VPS50: variants seen among roughly 807,000 people sequenced by gnomAD.
The protein encoded by VPS50 is syndetin.
In VPS50, 70 loss-of-function variants were observed where a neutral mutation model predicts 139.7. The observed-to-expected ratio is 0.50, with a 90% CI of 0.41 to 0.61. The LOEUF (loss-of-function observed/expected upper bound fraction) is 0.61, where lower values mean the gene tolerates loss of function less well. Among genes scored for constraint, VPS50 ranks in the 20% least tolerant of loss-of-function variants. The pLI is 0.00. For synonymous variants in VPS50, 365 were observed against 376.7 expected, an observed-to-expected ratio of 0.97 and a Z score of 0.36; for missense variants, 921 against 1,133.7, an observed-to-expected ratio of 0.81 and a Z score of 2.69.
chr7:93,300,355 A>C (rs900188113), intron 16 of VPS50, among the ~76,000 whole-genome samples: 1 of 152,170 alleles, frequency 6.6e-6, no homozygotes, highest in African/African-American at 2.4e-5. Flanking sequence ...TTATGAGGCC[A>C]GCATAGCATT....
intron 2 of VPS50, among the ~76,000 whole-genome samples, chr7:93,242,234 C>T (rs931811462): frequency 2.0e-5 from 3 of 151,618 alleles, no homozygotes; most frequent in Non-Finnish European, 4.4e-5. Flanking sequence ...GACAAAAGTT[C>T]TCTCCAAAAG....
intron 21 of VPS50, among the ~76,000 whole-genome samples, chr7:93,327,516 T>C (rs961994346): frequency 1.3e-5 from 2 of 152,166 alleles, no homozygotes; most frequent in African/African-American, 4.8e-5. Flanking sequence ...TAGGTACTTA[T>C]TGTAAAATAT....
intron 9 of VPS50, among the ~76,000 whole-genome samples, chr7:93,269,876 A>G (rs986933549): frequency 6.6e-6 from 1 of 152,060 alleles, no homozygotes; most frequent in Non-Finnish European, 1.5e-5. Flanking sequence ...ATTAAGTACT[A>G]TGGCCCTCCC....
chr7:93,237,127 T>C (rs895230233), intron 1 of VPS50, among the ~76,000 whole-genome samples: 44 of 151,436 alleles, frequency 2.9e-4, no homozygotes, highest in Non-Finnish European at 5.9e-4. Context: ...ATTTTTTTTT[T>C]TTGTATTTTT....
intron 18 of VPS50, among the ~76,000 whole-genome samples, chr7:93,308,134 G>C (rs1306727076): frequency 6.6e-6 from 1 of 151,726 alleles, no homozygotes; most frequent in East Asian, 1.9e-4. Context: ...TGATGATGAT[G>C]ATGATGATGA....
At chr7:93,342,219 C>A (rs572109654) in intron 23 of VPS50, among the ~76,000 whole-genome samples, 1 of 152,282 alleles carries the variant, frequency 6.6e-6, no homozygotes, top group South Asian at 2.1e-4. Flanking sequence ...TGGTGACAGA[C>A]GGCACCTGCA....
At chr7:93,233,022 G>A (rs1321739483) in intron 1 of VPS50, among the ~76,000 whole-genome samples, 1 of 152,172 alleles carries the variant, frequency 6.6e-6, no homozygotes, top group Non-Finnish European at 1.5e-5. Flanking sequence ...TCACAGTTCT[G>A]TTATGAGGGT....
chr7:93,341,286 G>A (rs1798202376), intron 22 of VPS50, 141 bp from the exon 23 acceptor site: 2 of 575,040 alleles, frequency 3.5e-6, no homozygotes, highest in Admixed American at 6.8e-5. Flanking sequence ...AAACATGAAA[G>A]CAGGATAAAA....
At chr7:93,236,689 T>A (rs1231539208) in intron 1 of VPS50, among the ~76,000 whole-genome samples, 1 of 152,116 alleles carries the variant, frequency 6.6e-6, no homozygotes, top group African/African-American at 2.4e-5. Flanking sequence ...GAAGATAAAA[T>A]AAGAATGACT....
chr7:93,265,690 G>C (rs1795820609), intron 9 of VPS50, among the ~76,000 whole-genome samples: 1 of 151,922 alleles, frequency 6.6e-6, no homozygotes, highest in Admixed American at 6.6e-5. Context: ...TCAGCCTCCT[G>C]AGTAGCTGGG....
chr7:93,338,744 CA>C (rs1312459322), intron 22 of VPS50, among the ~76,000 whole-genome samples: 2 of 152,024 alleles, frequency 1.3e-5, no homozygotes, highest in African/African-American at 2.4e-5. Flanking sequence ...GCTTTAAAAC[CA>C]GGGAGTGTTA....
chr7:93,348,567 AG>A, intron 23 of VPS50, 143 bp from the exon 24 acceptor site: 2 of 591,756 alleles, frequency 3.4e-6, no homozygotes, highest in Non-Finnish European at 6.0e-6. Flanking sequence ...GTCAAGTGGT[AG>A]TACAGGTTCG....
At chr7:93,356,978 C>A (rs1367745092) in intron 27 of VPS50, among the ~76,000 whole-genome samples, 1 of 152,116 alleles carries the variant, frequency 6.6e-6, no homozygotes, top group Non-Finnish European at 1.5e-5. Flanking sequence ...CCCACTCTTA[C>A]TCAGTTTCGG....
In VPS50 at chr7:93,321,529, CTG is replaced by C. The variant is rs1307209357; in HGVS notation, c.1856-2078_1856-2077del. ...CTTTTAAGGTGCAACAGCCGGGACTCTGTGTAATTCCTTGTTCCTTAATACAA... is the reference window on the plus strand; with the variant it reads ...CTTTTAAGGTGCAACAGCCGGGACTCTGTAATTCCTTGTTCCTTAATACAA... On this transcript the variant is annotated intron_variant, in intron 20 of 27. Transcript: ENST00000305866. Among the ~76,000 whole-genome samples the C allele has an allele frequency of 3.9e-5, 6 of 152,278 alleles. No individual in the cohort carries two copies. In the East Asian group the frequency reaches 1.2e-3, roughly 29 times the overall value.
chr7:93,350,730 G>A (rs1183000636), intron 25 of VPS50, among the ~76,000 whole-genome samples: 1 of 152,060 alleles, frequency 6.6e-6, no homozygotes, highest in African/African-American at 2.4e-5. Context: ...GAGAATGACA[G>A]GATGTGAGTG....
chr7:93,275,932 G>A (rs1159638451), intron 11 of VPS50: 1 of 473,388 alleles, frequency 2.1e-6, no homozygotes, highest in African/African-American at 1.9e-5. Flanking sequence ...AAGAACAACA[G>A]AGCAGTGTTC....
intron 1 of VPS50, among the ~76,000 whole-genome samples, chr7:93,238,027 T>C (rs147386534): frequency 3.9e-4 from 59 of 152,330 alleles, no homozygotes; most frequent in African/African-American, 1.4e-3. Flanking sequence ...AAATGTTTGT[T>C]TAAAAGACAT....
intron 22 of VPS50, among the ~76,000 whole-genome samples, chr7:93,339,909 TTTCTC>T (rs1304729639): frequency 3.9e-5 from 6 of 152,202 alleles, no homozygotes; most frequent in Non-Finnish European, 8.8e-5. Context: ...TTTTTGTAAA[TTTCTC>T]TTATGGAATT....
At chr7:93,251,727 C>T (rs1411672495) in intron 2 of VPS50, among the ~76,000 whole-genome samples, 3 of 151,986 alleles carry the variant, frequency 2.0e-5, no homozygotes, top group African/African-American at 7.3e-5. Flanking sequence ...TTGTACATTT[C>T]CTTAGTATTT....
Sources: allele counts gnomAD v4.1 joint callset (sites outside exome capture counted in the v4.1 genomes callset), GRCh38; gene constraint gnomAD v4.1.1; transcripts MANE v1.5; gene names NCBI Gene and HGNC (gene_info 2026-07-23, HGNC 2026-07-21).